The following EIF4E variants were observed in gnomAD, a reference collection of about 807,000 sequenced individuals.
The protein encoded by EIF4E is eukaryotic translation initiation factor 4E, also known as eIF-4F 25 kDa subunit.
For synonymous variants in EIF4E, 71 were observed against 88.5 expected (o/e 0.80, Z 1.11); for missense variants, 113 against 265.6 (o/e 0.43, Z 3.99).
chr4:98,901,817 C>G, intron 2 of EIF4E, 59 bp downstream of exon 2: 1 of 1,454,756 alleles, frequency 6.9e-7, no homozygotes, highest in Admixed American at 1.7e-5. Flanking sequence ...TTCAAACTTG[C>G]CCCATTCACA....
chr4:98,918,295 G>T (rs889470859), intron 1 of EIF4E, among the ~76,000 whole-genome samples: 1 of 151,022 alleles, frequency 6.6e-6, no homozygotes, highest in Non-Finnish European at 1.5e-5. Flanking sequence ...CCCAAGAGGC[G>T]GAGGTTGCAG....
intron 5 of EIF4E, 105 bp downstream of exon 5, chr4:98,886,974 G>T: frequency 8.5e-7 from 1 of 1,182,262 alleles, no homozygotes; most frequent in Non-Finnish European, 1.3e-6. Flanking sequence ...TCTAGTGTTG[G>T]GCATCCTTCT....
chr4:98,902,600 ATCT>A (rs932416301), intron 1 of EIF4E, among the ~76,000 whole-genome samples: 2 of 152,106 alleles, frequency 1.3e-5, no homozygotes, highest in African/African-American at 4.8e-5. Flanking sequence ...AGTTGGGAAA[ATCT>A]TCTATCTTTC....
intron 5 of EIF4E, chr4:98,886,757 T>C (rs1365952912): frequency 1.1e-5 from 4 of 364,114 alleles, no homozygotes; most frequent in South Asian, 2.2e-5. Context: ...CATATAGCAA[T>C]GCTGTAAGAG....
chr4:98,926,871 A>G (rs1243361356), intron 1 of EIF4E, among the ~76,000 whole-genome samples: 1 of 152,232 alleles, frequency 6.6e-6, no homozygotes, highest in Admixed American at 6.5e-5. Context: ...ATAGTCCTTC[A>G]TCACTTTGCA....
At chr4:98,882,532 G>T (rs1723742567) in intron 6 of EIF4E, among the ~76,000 whole-genome samples, 1 of 151,524 alleles carries the variant, frequency 6.6e-6, no homozygotes, top group Non-Finnish European at 1.5e-5. Context: ...ACTAGGATAG[G>T]TTTTTTTTAT....
At chr4:98,890,972 A>C (rs142987310) in intron 3 of EIF4E, 421 of 486,496 alleles carry the variant, frequency 8.7e-4, no homozygotes, top group Non-Finnish European at 1.2e-3. Flanking sequence ...ACTAGCTGTC[A>C]AAAGTTCTAA....
intron 1 of EIF4E, among the ~76,000 whole-genome samples, chr4:98,924,738 G>A (rs942554987): frequency 1.3e-5 from 2 of 151,964 alleles, no homozygotes; most frequent in African/African-American, 2.4e-5. Context: ...GATTACAGGC[G>A]CCTGCCACCA....
At chr4:98,881,747 C>A (rs552088113) in intron 6 of EIF4E, among the ~76,000 whole-genome samples, 7 of 152,234 alleles carry the variant, frequency 4.6e-5, no homozygotes, top group Admixed American at 1.3e-4. Flanking sequence ...TGAAACACTT[C>A]GAGGGAGAAT....
chr4:98,903,096 T>C lies in EIF4E; in HGVS notation c.19-1114A>G, dbSNP rs538376168. The stretch of plus-strand genomic sequence containing the variant: ...AAGAAAAGTAGTCTGGGGGCAGTAA[T>C]TTAAAATAGGTGTTCACCACATTCT... On this transcript the variant is annotated intron_variant, in intron 1 of 6. Coordinates refer to ENST00000450253, the MANE Select transcript of EIF4E (RefSeq NM_001968.5). 2.0e-5 allele frequency among the ~76,000 whole-genome samples: 3 copies of C among 152,314 alleles called. 1 individual carries two copies. The South Asian group carries it at 6.2e-4, about 32-fold the overall frequency.
chr4:98,913,975 T>TAA (rs1240640341), intron 1 of EIF4E, among the ~76,000 whole-genome samples: 4 of 151,790 alleles, frequency 2.6e-5, no homozygotes, highest in Non-Finnish European at 5.9e-5. Flanking sequence ...GTTTATGATG[T>TAA]AAGCACTAAA....
At chr4:98,886,081 A>G (rs531432261) in intron 5 of EIF4E, among the ~76,000 whole-genome samples, 1 of 151,800 alleles carries the variant, frequency 6.6e-6, no homozygotes, top group Non-Finnish European at 1.5e-5. Context: ...TGAACCCAGG[A>G]GGCTACAGTG....
chr4:98,902,557 A>G (rs1724696282), intron 1 of EIF4E, among the ~76,000 whole-genome samples: 2 of 152,188 alleles, frequency 1.3e-5, no homozygotes, highest in South Asian at 4.1e-4. Context: ...TTTTTTTTAA[A>G]TAGCAGGAAG....
chr4:98,925,139 T>C (rs986411853), intron 1 of EIF4E, among the ~76,000 whole-genome samples: 1 of 152,200 alleles, frequency 6.6e-6, no homozygotes, highest in African/African-American at 2.4e-5. Context: ...AGAGCATGTT[T>C]CCAAAGTATA....
rs927534072 is a variant in EIF4E, at chr4:98,887,703, ACT to A, written c.285+184_285+185del. ...AATCTCAGTATGTGCCCACAGAGTA[ACT>A]CTCTCTCAATTTTTATAAACAAATA... is the stretch of plus-strand genomic sequence containing the variant. On this transcript the variant is annotated intron_variant, in intron 4 of 6. Coordinates refer to ENST00000450253, the MANE Select transcript of EIF4E (RefSeq NM_001968.5). This position sits in a 1 kb window ranked among gnomAD's most constrained non-coding sequence, Gnocchi z 4.0. Among the ~76,000 whole-genome samples, 1 of 152,210 alleles carries A rather than the reference ACT, an allele frequency of 6.6e-6. No homozygotes were observed. Among genetic ancestry groups the A allele is most frequent in the African/African-American group, 2.4e-5 (1 of 41,540 alleles).
At chr4:98,883,522 C>G (rs1308140082) in intron 6 of EIF4E, among the ~76,000 whole-genome samples, 3 of 150,868 alleles carry the variant, frequency 2.0e-5, no homozygotes, top group Non-Finnish European at 2.9e-5. Flanking sequence ...CCTCAGTCTC[C>G]CAAGTAGCTG....
intron 1 of EIF4E, among the ~76,000 whole-genome samples, chr4:98,906,166 A>G (rs1560646022): frequency 1.3e-5 from 2 of 152,198 alleles, no homozygotes; most frequent in African/African-American, 4.8e-5. Flanking sequence ...TGTGTCCTCC[A>G]TTACCTTCAT....
intron 5 of EIF4E, chr4:98,886,739 T>C: frequency 2.9e-6 from 1 of 347,884 alleles, no homozygotes; most frequent in Non-Finnish European, 5.6e-6. Flanking sequence ...ATTTAAAAGT[T>C]TAGTATACAT....
At chr4:98,921,725 T>C (rs1464953601) in intron 1 of EIF4E, among the ~76,000 whole-genome samples, 1 of 152,224 alleles carries the variant, frequency 6.6e-6, no homozygotes, top group East Asian at 1.9e-4. Context: ...ATCACCAAAA[T>C]TACTAAAAGT....
Sources: allele counts gnomAD v4.1 joint callset (sites outside exome capture counted in the v4.1 genomes callset), GRCh38; gene constraint gnomAD v4.1.1; non-coding constraint Gnocchi (gnomAD v3.1); transcripts MANE v1.5; gene names NCBI Gene and HGNC (gene_info 2026-07-23, HGNC 2026-07-21).